Variants in CPNE4 observed in about 807,000 individuals in gnomAD.
CPNE4 encodes the protein copine 4, also known as copine-4.
In CPNE4, 25 loss-of-function variants were observed where a neutral mutation model predicts 67.9. That is an observed-to-expected ratio of 0.37 (90% CI 0.27 to 0.51). The LOEUF (loss-of-function observed/expected upper bound fraction) is 0.51, where lower values mean the gene tolerates loss of function less well. Among genes scored for constraint, CPNE4 ranks in the 20% least tolerant of loss-of-function variants. CPNE4 has a pLI of 0.93. For synonymous variants in CPNE4, 242 were observed against 244.9 expected (o/e 0.99, Z 0.11); for missense variants, 464 against 690.8 (o/e 0.67, Z 3.68).
At chr3:131,669,410 T>A (rs997376645) in intron 7 of CPNE4, among the ~76,000 whole-genome samples, 14 of 152,100 alleles carry the variant, frequency 9.2e-5, no homozygotes, top group Non-Finnish European at 7.4e-5. Flanking sequence ...ATAACCTGAA[T>A]TTATTGCCAT....
At chr3:131,942,115 A>C (rs976677862) in intron 1 of CPNE4, among the ~76,000 whole-genome samples, 4 of 152,098 alleles carry the variant, frequency 2.6e-5, no homozygotes, top group Non-Finnish European at 5.9e-5. Context: ...GTATTTAAAA[A>C]TGTTACCGTT....
chr3:131,967,386 G>C lies in CPNE4; in HGVS notation c.-1-61942C>G, dbSNP rs183003378. 1.2e-4 allele frequency among the ~76,000 whole-genome samples: 19 copies of C among 152,274 alleles called. 1 individual carries two copies. The highest frequency in any genetic ancestry group is 4.3e-4 in the African/African-American group (18 of 41,564). On this transcript the variant is annotated intron_variant, in intron 1 of 15. Coordinates refer to ENST00000429747, the MANE Select transcript of CPNE4 (RefSeq NM_130808.3). ...AGTTCTGGCCAGGGCAATCAGGCAAGAGAAAGAAATAAAGGGTATTTAAAT... is the reference window on the plus strand; with the variant it reads ...AGTTCTGGCCAGGGCAATCAGGCAACAGAAAGAAATAAAGGGTATTTAAAT...
At chr3:131,741,587 A>T (rs2082356443) in intron 2 of CPNE4, among the ~76,000 whole-genome samples, 2 of 152,124 alleles carry the variant, frequency 1.3e-5, no homozygotes, top group South Asian at 2.1e-4. Context: ...TTTTCTGAAA[A>T]ATCTTACGTT....
At chr3:131,877,753 G>A (rs1287168092) in intron 2 of CPNE4, among the ~76,000 whole-genome samples, 2 of 152,144 alleles carry the variant, frequency 1.3e-5, no homozygotes, top group Non-Finnish European at 2.9e-5. Context: ...CAGGTTAAAA[G>A]GACAATGACT....
intron 10 of CPNE4, among the ~76,000 whole-genome samples, chr3:131,570,725 C>A (rs942020445): frequency 6.6e-6 from 1 of 151,968 alleles, no homozygotes; most frequent in African/African-American, 2.4e-5. Flanking sequence ...CCCTTGACCT[C>A]CCAAAATTGC....
chr3:131,756,077 C>T (rs1233333647), intron 2 of CPNE4, among the ~76,000 whole-genome samples: 1 of 152,116 alleles, frequency 6.6e-6, no homozygotes, highest in African/African-American at 2.4e-5. Flanking sequence ...TAGTCAGTGT[C>T]TATAAAGAAA....
At chr3:131,591,127 G>A (rs1449825755) in intron 7 of CPNE4, among the ~76,000 whole-genome samples, 1 of 152,124 alleles carries the variant, frequency 6.6e-6, no homozygotes, top group East Asian at 1.9e-4. Context: ...CTCCTTACCT[G>A]GAGAAAGGAG....
chr3:132,021,876 G>A (rs1328055581), intron 1 of CPNE4, among the ~76,000 whole-genome samples: 2 of 152,148 alleles, frequency 1.3e-5, no homozygotes, highest in Non-Finnish European at 2.9e-5. Context: ...AAGGGAATCG[G>A]ATTCACAAAT....
chr3:131,724,594 G>A (rs2081961242), intron 2 of CPNE4, among the ~76,000 whole-genome samples: 1 of 152,196 alleles, frequency 6.6e-6, no homozygotes, highest in African/African-American at 2.4e-5. Context: ...GGAGAACAGA[G>A]AGGTGCAGGC....
chr3:131,816,588 A>C (rs2084753215), intron 2 of CPNE4, among the ~76,000 whole-genome samples: 1 of 152,214 alleles, frequency 6.6e-6, no homozygotes, highest in East Asian at 1.9e-4. Flanking sequence ...CTTTAGAACA[A>C]GATACAACTA....
chr3:131,910,158 G>A (rs138109083), intron 1 of CPNE4, among the ~76,000 whole-genome samples: 1 of 152,048 alleles, frequency 6.6e-6, no homozygotes, highest in African/African-American at 2.4e-5. Flanking sequence ...GCCCTAAAAG[G>A]CTTACCTCCA....
chr3:131,620,437 G>T, intron 7 of CPNE4: 1 of 984,912 alleles, frequency 1.0e-6, no homozygotes, highest in Non-Finnish European at 1.2e-6. Flanking sequence ...TTTGGGTCCT[G>T]AGTTACTCAC....
chr3:131,764,053 A>G (rs577227106), intron 2 of CPNE4, among the ~76,000 whole-genome samples: 59 of 152,230 alleles, frequency 3.9e-4, no homozygotes, highest in African/African-American at 1.4e-3. Context: ...GAACTGAGCC[A>G]CAAGGATTTA....
chr3:131,587,732 A>G lies in CPNE4; in HGVS notation c.682-150T>C, dbSNP rs1223839448. On this transcript the variant is annotated intron_variant, in intron 7 of 15. Coordinates refer to ENST00000429747, the MANE Select transcript of CPNE4 (RefSeq NM_130808.3). Reference sequence around the variant, plus strand: ...TCTAAGATTGGAGCATATGGGATGTAATTCTGGTTTCTATAGCCCTTTACT... The same window carrying G: ...TCTAAGATTGGAGCATATGGGATGTGATTCTGGTTTCTATAGCCCTTTACT... The G allele has an allele frequency of 1.4e-5, 9 of 622,992 alleles. No homozygotes were observed. In the East Asian group the frequency reaches 2.5e-4, roughly 17 times the overall value. The allele number at this position is 622,992 out of a possible 1,614,324, so 38.6% of individuals were successfully genotyped here.
chr3:131,685,162 T>G (rs983337259), intron 6 of CPNE4, among the ~76,000 whole-genome samples: 1 of 149,930 alleles, frequency 6.7e-6, no homozygotes, highest in African/African-American at 2.5e-5. Flanking sequence ...GTTCAGTTTC[T>G]TCAACTGTAA....
chr3:131,706,987 C>T (rs147001773), intron 3 of CPNE4, among the ~76,000 whole-genome samples: 1 of 152,172 alleles, frequency 6.6e-6, no homozygotes, highest in African/African-American at 2.4e-5. Flanking sequence ...AATGTTGTAG[C>T]CTGACCACCT....
chr3:131,980,224 T>C (rs908442778), intron 1 of CPNE4, among the ~76,000 whole-genome samples: 2 of 152,204 alleles, frequency 1.3e-5, no homozygotes, highest in Non-Finnish European at 2.9e-5. Context: ...TTGCTTCTTT[T>C]ATTTGGATGT....
intron 2 of CPNE4, among the ~76,000 whole-genome samples, chr3:131,725,005 T>C (rs999285162): frequency 6.6e-6 from 1 of 152,220 alleles, no homozygotes; most frequent in African/African-American, 2.4e-5. Context: ...ATCCTTCCTA[T>C]TTTACAAATC....
At chr3:131,935,024 A>G (rs1583475819) in intron 1 of CPNE4, among the ~76,000 whole-genome samples, 1 of 151,896 alleles carries the variant, frequency 6.6e-6, no homozygotes, top group African/African-American at 2.4e-5. Context: ...TAAAATATTA[A>G]TAAGTATTTT....
Sources: gnomAD v4.1 joint callset for allele counts (sites outside exome capture counted in the v4.1 genomes callset) on GRCh38, gnomAD v4.1.1 for gene constraint, MANE v1.5 for transcripts, NCBI Gene and HGNC (gene_info 2026-07-23, HGNC 2026-07-21) for gene names.